CASK: variants seen among roughly 807,000 people sequenced by gnomAD.
The protein encoded by CASK is peripheral plasma membrane protein CASK.
A neutral mutation model predicts 82.9 loss-of-function variants in CASK; 4 were observed. The observed-to-expected ratio is 0.05, with a 90% CI of 0.02 to 0.11. The LOEUF (loss-of-function observed/expected upper bound fraction) is 0.11. CASK is among the 10% of genes least tolerant of loss of function. CASK has a pLI of 1.00. For missense variants in CASK, 358 were observed against 720.9 expected (o/e 0.50, Z 5.76); for synonymous variants, 259 against 253.5 (o/e 1.02, Z -0.20).
intron 12 of CASK, among the ~76,000 whole-genome samples, chrX:41,591,203 A>C (rs962764486): frequency 5.4e-5 from 6 of 111,886 alleles, no homozygotes; most frequent in Admixed American, 2.8e-4. Context: ...CAATGTTGTA[A>C]CTGGGATCAT....
chrX:41,780,227 C>A (rs941410373), intron 3 of CASK, among the ~76,000 whole-genome samples: 1 of 112,059 alleles, frequency 8.9e-6, no homozygotes, highest in East Asian at 2.8e-4. Context: ...CCCAACTCAG[C>A]CTGTCTTCAA....
At chrX:41,849,307 A>G (rs1214459190) in intron 2 of CASK, among the ~76,000 whole-genome samples, 3 of 111,635 alleles carry the variant, frequency 2.7e-5, no homozygotes, top group Admixed American at 9.5e-5. Flanking sequence ...ATTAATTTTG[A>G]TATCTATTTT....
chrX:41,580,630 C>G lies in CASK; in HGVS notation c.1315-2102G>C, dbSNP rs975516655. 2.7e-5 allele frequency among the ~76,000 whole-genome samples: 3 copies of G among 111,862 alleles called. No homozygotes were observed. In the East Asian group the frequency reaches 8.4e-4, roughly 31 times the overall value. On this transcript the variant is annotated intron_variant, in intron 14 of 26. Transcript: ENST00000378163. ...ATACTCGATATTAACCACAATTTGG[C>G]ACTGTAAATGATTGCTACCACAAAA...
intron 6 of CASK, chrX:41,665,693 T>C (rs987479845): frequency 2.4e-6 from 1 of 416,340 alleles, no homozygotes; most frequent in African/African-American, 2.5e-5. Flanking sequence ...GCACTCCCTA[T>C]TGAATTCTGC....
chrX:41,706,422 AATC>A (rs2067886451), intron 5 of CASK, among the ~76,000 whole-genome samples: 1 of 111,578 alleles, frequency 9.0e-6, no homozygotes, highest in African/African-American at 3.3e-5. Context: ...ATGCTAGACT[AATC>A]ATCTTTCTAC....
intron 5 of CASK, among the ~76,000 whole-genome samples, chrX:41,707,737 A>G (rs2067908069): frequency 9.0e-6 from 1 of 111,512 alleles, no homozygotes; most frequent in Non-Finnish European, 1.9e-5. Context: ...TTCCAAACCA[A>G]TGAAGGGCAG....
At position 41,578,321 on chromosome X, in the gene CASK, A is replaced by C; in HGVS notation, c.1503+19T>G. The C allele has an allele frequency of 3.4e-6, 4 of 1,161,422 alleles. No homozygotes were observed. Among genetic ancestry groups the C allele is most frequent in the Non-Finnish European group, 4.7e-6 (4 of 850,827 alleles). ...CTGGGATCTTATGAGAGTATTGAAA[A>C]CTTTCTCTTCCTACTTACCATTGGT... On this transcript the variant is annotated intron_variant, in intron 15 of 26. Transcript: ENST00000378163.
intron 1 of CASK, among the ~76,000 whole-genome samples, chrX:41,915,067 C>T (rs73472563): frequency 9.0e-6 from 1 of 111,537 alleles, no homozygotes; most frequent in African/African-American, 3.3e-5. Flanking sequence ...GATCCTCCCC[C>T]CTCTTTTAAA....
chrX:41,616,402 A>G (rs970334569), intron 11 of CASK, among the ~76,000 whole-genome samples: 2 of 111,064 alleles, frequency 1.8e-5, no homozygotes, highest in South Asian at 3.8e-4. Context: ...ATGGAAGGGC[A>G]TAACTAGTAA....
chrX:41,890,343 C>T (rs1368011674), intron 1 of CASK, among the ~76,000 whole-genome samples: 1 of 109,975 alleles, frequency 9.1e-6, no homozygotes, highest in Non-Finnish European at 1.9e-5. Flanking sequence ...CCATTCAACC[C>T]CTATTCTAAT....
chrX:41,834,758 C>G lies in CASK; in HGVS notation c.172+18357G>C, dbSNP rs768564659. 2.6e-3 allele frequency among the ~76,000 whole-genome samples: 295 copies of G among 112,079 alleles called. 1 individual carries two copies. Among genetic ancestry groups the G allele is most frequent in the African/African-American group, 9.1e-3 (280 of 30,886 alleles). ...GCTAAGTTAGAATTTATTATATTTT[C>G]TATCTGACATGTATTATTTAATTGT... On this transcript the variant is annotated intron_variant, in intron 2 of 26. Transcript: ENST00000378163.
chrX:41,835,131 T>C (rs192992210), intron 2 of CASK, among the ~76,000 whole-genome samples: 1 of 112,965 alleles, frequency 8.9e-6, no homozygotes, highest in Admixed American at 9.4e-5. Flanking sequence ...AATAGGTAGC[T>C]ATTTGTATAG....
At chrX:41,653,620 A>G (rs1294466133) in intron 8 of CASK, among the ~76,000 whole-genome samples, 2 of 112,059 alleles carry the variant, frequency 1.8e-5, no homozygotes, top group Non-Finnish European at 3.8e-5. Flanking sequence ...CAGTACCTCT[A>G]CGACCTGTGG....
At chrX:41,775,895 G>T (rs1232570038) in intron 3 of CASK, among the ~76,000 whole-genome samples, 1 of 72,151 alleles carries the variant, frequency 1.4e-5, no homozygotes, top group Non-Finnish European at 2.5e-5. Flanking sequence ...TGGGGTGGGG[G>T]GAGGGGGGAG....
chrX:41,853,008 C>T lies in CASK; in HGVS notation c.172+107G>A. On this transcript the variant is annotated intron_variant, in intron 2 of 26. Coordinates refer to ENST00000378163, the MANE Select transcript of CASK (RefSeq NM_001367721.1). ...TGTCTCCACCCACTTCCCTCTACAT[C>T]ATACCCTCTGCTTCCCCACCCCCAG... 6 of 543,115 alleles carry T rather than the reference C, an allele frequency of 1.1e-5. No homozygotes were observed. In the South Asian group the frequency reaches 1.5e-4, roughly 13 times the overall value. The allele number at this position is 543,115 out of a possible 1,213,427, so 44.8% of individuals were successfully genotyped here. A position where few individuals can be genotyped will look rare whatever the true frequency, so the allele number is the denominator to read the frequency against.
chrX:41,545,992 GAC>G (rs2065017936), intron 21 of CASK, among the ~76,000 whole-genome samples: 1 of 108,897 alleles, frequency 9.2e-6, no homozygotes, highest in Admixed American at 9.9e-5. Context: ...TTTTTCTTGA[GAC>G]AGAGTGTCGC....
intron 12 of CASK, among the ~76,000 whole-genome samples, chrX:41,603,592 C>T (rs1396665233): frequency 1.8e-5 from 2 of 112,246 alleles, no homozygotes; most frequent in African/African-American, 6.5e-5. Flanking sequence ...ATTATAAAGA[C>T]TCCTAAATTA....
At chrX:41,611,329 A>G (rs2066041055) in intron 11 of CASK, among the ~76,000 whole-genome samples, 1 of 111,679 alleles carries the variant, frequency 9.0e-6, no homozygotes, top group Non-Finnish European at 1.9e-5. Flanking sequence ...CTTTTCCAGA[A>G]AGCAATCTGG....
intron 11 of CASK, among the ~76,000 whole-genome samples, chrX:41,612,507 C>A (rs2066089304): frequency 9.2e-6 from 1 of 108,215 alleles, no homozygotes; most frequent in Admixed American, 9.5e-5. Flanking sequence ...CGCCCGGCAG[C>A]CACCCCGTCC....
Sources: allele counts gnomAD v4.1 joint callset (sites outside exome capture counted in the v4.1 genomes callset), GRCh38; gene constraint gnomAD v4.1.1; transcripts MANE v1.5; gene names NCBI Gene and HGNC (gene_info 2026-07-23, HGNC 2026-07-21).